The following TBL1X variants were observed in gnomAD, a reference collection of about 807,000 sequenced individuals.
TBL1X encodes the protein F-box-like/WD repeat-containing protein TBL1X.
TBL1X carries 10 observed loss-of-function variants against 50.7 expected under a neutral mutation model. The observed-to-expected ratio is 0.20, with a 90% CI of 0.12 to 0.33. The LOEUF is 0.33. Among genes scored for constraint, TBL1X ranks in the 10% least tolerant of loss-of-function variants. The probability of loss-of-function intolerance (pLI) is 1.00; values close to 1 mark genes in which losing one functional copy is unlikely to be tolerated. For synonymous variants in TBL1X, 190 were observed against 214.7 expected, an observed-to-expected ratio of 0.88 and a Z score of 1.01; for missense variants, 340 against 504.4, an observed-to-expected ratio of 0.67 and a Z score of 3.12.
At chrX:9,608,585 C>T (rs779090268) in intron 2 of TBL1X, among the ~76,000 whole-genome samples, 39 of 111,554 alleles carry the variant, frequency 3.5e-4, no homozygotes, top group African/African-American at 1.2e-3. Flanking sequence ...GAAACCATCT[C>T]GGTATAGAAT....
intron 5 of TBL1X, among the ~76,000 whole-genome samples, chrX:9,658,674 C>T (rs1336193310): frequency 2.7e-5 from 3 of 111,966 alleles, no homozygotes; most frequent in Admixed American, 9.5e-5. Context: ...TTCACAGGAA[C>T]TTGCAAAACG....
rs750136161 is a variant in TBL1X, at chrX:9,654,221, G to T, written c.110G>T (p.Gly37Val). The change falls in exon 5 of 18, where the codon GGT (glycine) becomes GTT (valine). Residue 37 changes from glycine to valine, a missense_variant. By Grantham distance (109) the Gly-to-Val change is moderately radical. Transcript: ENST00000645353. ...CTCTTCTCTTTTTGAACAGAGGGTG[G>T]TTCCCACTTCATCAACACCTCATCG... Reference protein sequence around the residue: ...HFQRLRGREGGSHFINTSSPR... With the variant: ...HFQRLRGREGVSHFINTSSPR... 2.1e-5 allele frequency: 25 copies of T among 1,207,777 alleles called. No individual in the cohort carries two copies. Among genetic ancestry groups the T allele is most frequent in the Non-Finnish European group, 2.8e-5 (25 of 894,478 alleles).
chrX:9,472,837 A>G, intron 1 of TBL1X, among the ~76,000 whole-genome samples: 1 of 109,813 alleles, frequency 9.1e-6, no homozygotes, highest in Non-Finnish European at 1.9e-5. Context: ...GGCGTGAACC[A>G]TGGAGGTGGA....
At chrX:9,491,578 A>G in intron 1 of TBL1X, among the ~76,000 whole-genome samples, 1 of 109,109 alleles carries the variant, frequency 9.2e-6, no homozygotes, top group Non-Finnish European at 1.9e-5. Context: ...TACTCAGCAT[A>G]CGATAATGAT....
chrX:9,675,569 C>T (rs1386619958), intron 5 of TBL1X, among the ~76,000 whole-genome samples: 2 of 111,457 alleles, frequency 1.8e-5, no homozygotes, highest in Non-Finnish European at 3.8e-5. Flanking sequence ...ATTCTGTGAC[C>T]ATGATGATTA....
At chrX:9,575,394 A>T (rs1360755197) in intron 2 of TBL1X, among the ~76,000 whole-genome samples, 1 of 111,581 alleles carries the variant, frequency 9.0e-6, no homozygotes, top group Non-Finnish European at 1.9e-5. Context: ...AACCGGTGCA[A>T]CCAGCAATTT....
chrX:9,716,034 A>G (rs1235276098), intron 17 of TBL1X, among the ~76,000 whole-genome samples, 186 bp from the exon 18 acceptor site: 2 of 112,006 alleles, frequency 1.8e-5, no homozygotes, highest in Non-Finnish European at 1.9e-5. Context: ...GCTCGGTCCG[A>G]TGTCCAGATG....
At chrX:9,587,424 A>T (rs1340423524) in intron 2 of TBL1X, among the ~76,000 whole-genome samples, 1 of 111,437 alleles carries the variant, frequency 9.0e-6, no homozygotes, top group Non-Finnish European at 1.9e-5. Context: ...GTCTTACATG[A>T]GTGTGTGTGC....
chrX:9,630,999 A>T (rs2082718462), intron 2 of TBL1X, among the ~76,000 whole-genome samples: 1 of 109,169 alleles, frequency 9.2e-6, no homozygotes, highest in East Asian at 2.8e-4. Context: ...ATATATGGAT[A>T]ATATATATAT....
chrX:9,516,801 AAAAG>A (rs2082082784), intron 2 of TBL1X, among the ~76,000 whole-genome samples: 1 of 112,171 alleles, frequency 8.9e-6, no homozygotes, highest in Non-Finnish European at 1.9e-5. Context: ...GTTTTTCAAA[AAAAG>A]CTTACCACAT....
intron 2 of TBL1X, among the ~76,000 whole-genome samples, chrX:9,522,826 G>T (rs1182758429): frequency 1.8e-5 from 2 of 111,604 alleles, no homozygotes; most frequent in Non-Finnish European, 3.8e-5. Context: ...TTTGAATGGA[G>T]GCCCTTGTCA....
intron 2 of TBL1X, among the ~76,000 whole-genome samples, chrX:9,581,313 C>G (rs182209867): frequency 7.2e-4 from 81 of 111,903 alleles, no homozygotes; most frequent in Non-Finnish European, 9.4e-5. Context: ...CTCATGGCCT[C>G]TTTGTGGATG....
At chrX:9,502,895 T>C (rs941600223) in intron 2 of TBL1X, among the ~76,000 whole-genome samples, 1 of 112,332 alleles carries the variant, frequency 8.9e-6, no homozygotes, top group Non-Finnish European at 1.9e-5. Context: ...TGCTGGTGCC[T>C]TAATTGTGAA....
chrX:9,545,921 T>A (rs758153375), intron 2 of TBL1X, among the ~76,000 whole-genome samples: 5 of 111,989 alleles, frequency 4.5e-5, no homozygotes, highest in Non-Finnish European at 7.5e-5. Context: ...CATAGGAGTT[T>A]GGGGATTTGT....
chrX:9,619,640 C>T (rs187259142), intron 2 of TBL1X, among the ~76,000 whole-genome samples: 5 of 112,435 alleles, frequency 4.4e-5, no homozygotes, highest in Admixed American at 3.8e-4. Context: ...GTACTTCATC[C>T]GTCTGTGTAA....
chrX:9,708,197 C>A (rs1172336027), intron 13 of TBL1X, among the ~76,000 whole-genome samples: 1 of 111,543 alleles, frequency 9.0e-6, no homozygotes, highest in African/African-American at 3.3e-5. Flanking sequence ...TTTACACATG[C>A]CTGTCCCGGT....
intron 1 of TBL1X, among the ~76,000 whole-genome samples, chrX:9,490,960 A>C: frequency 9.0e-6 from 1 of 110,588 alleles, no homozygotes; most frequent in Non-Finnish European, 1.9e-5. Flanking sequence ...CAGCAAGATT[A>C]TAAATTCTTA....
intron 1 of TBL1X, among the ~76,000 whole-genome samples, chrX:9,486,498 T>C (rs987063695): frequency 1.8e-5 from 2 of 110,486 alleles, no homozygotes; most frequent in Non-Finnish European, 3.8e-5. Context: ...CCTCTCAGAG[T>C]ACAGCGATTA....
intron 2 of TBL1X, among the ~76,000 whole-genome samples, chrX:9,605,224 A>G (rs1176154819): frequency 9.0e-6 from 1 of 111,469 alleles, no homozygotes; most frequent in Admixed American, 9.5e-5. Context: ...TAGAGCCCAC[A>G]CATGAGATCC....
Sources: allele counts gnomAD v4.1 joint callset (sites outside exome capture counted in the v4.1 genomes callset), GRCh38; gene constraint gnomAD v4.1.1; transcripts MANE v1.5; gene names NCBI Gene and HGNC (gene_info 2026-07-23, HGNC 2026-07-21).